FBXO45: variants seen among roughly 807,000 people sequenced by gnomAD.
FBXO45 encodes the protein F-box/SPRY domain-containing protein 1.
Under a neutral mutation model 25.5 loss-of-function variants are expected in FBXO45, and 3 were observed. The ratio of observed to expected loss-of-function variants is 0.12; its 90% CI spans 0.05 to 0.30. The LOEUF (loss-of-function observed/expected upper bound fraction) is 0.30. FBXO45 is among the 10% of genes least tolerant of loss of function. The pLI, the probability that FBXO45 is intolerant of heterozygous loss-of-function variation, is 1.00. For missense variants in FBXO45, 219 were observed against 365.0 expected (o/e 0.60, Z 3.26); for synonymous variants, 155 against 149.8 (o/e 1.03, Z -0.25).
At chr3:196,580,387 T>C (rs1029555822) in intron 2 of FBXO45, among the ~76,000 whole-genome samples, 1 of 152,068 alleles carries the variant, frequency 6.6e-6, no homozygotes, top group African/African-American at 2.4e-5. Context: ...AATTTTTGTA[T>C]TTTTAGTAGA....
In FBXO45 at chr3:196,588,265, C is replaced by T. The variant is rs1736172449; in HGVS notation, c.*3947C>T. The stretch of plus-strand genomic sequence containing the variant: ...TATTTTTAGTAGAGGGGGTTTATGC[C>T]ATGTTGGCCAGGCTGGTCTTGAACT... On this transcript the variant is annotated 3_prime_UTR_variant, in exon 3 of 3. Coordinates refer to ENST00000311630, the MANE Select transcript of FBXO45 (RefSeq NM_001105573.2). This position sits in a 1 kb window ranked among gnomAD's most constrained non-coding sequence, Gnocchi z 4.2. 1 of 152,110 alleles carries T rather than the reference C, an allele frequency of 6.6e-6. No individual in the cohort carries two copies. Among genetic ancestry groups the T allele is most frequent in the Admixed American group, 6.5e-5 (1 of 15,274 alleles). 9.4% of individuals were successfully genotyped at this position (152,110 alleles called of 1,614,324 possible). A position where few individuals can be genotyped will look rare whatever the true frequency, so the allele number is the denominator to read the frequency against.
Position 196,583,902 on chromosome 3 carries a change from C to T in FBXO45, c.676-231C>T, listed in dbSNP as rs77792219. On this transcript the variant is annotated intron_variant, in intron 2 of 2. Transcript: ENST00000311630. ...AACTCCTGGGCTCAAGCAATCCGCCCGCCTCAGCCTCCCAAAGTGCTGGGA... is the reference window on the plus strand; with the variant it reads ...AACTCCTGGGCTCAAGCAATCCGCCTGCCTCAGCCTCCCAAAGTGCTGGGA... Among the ~76,000 whole-genome samples, 80 of 152,290 alleles carry T rather than the reference C, an allele frequency of 5.3e-4. 1 individual carries two copies. In the East Asian group the frequency reaches 0.015, roughly 29 times the overall value.
At chr3:196,580,616 C>T (rs1438385944) in intron 2 of FBXO45, among the ~76,000 whole-genome samples, 1 of 152,148 alleles carries the variant, frequency 6.6e-6, no homozygotes, top group Non-Finnish European at 1.5e-5. Flanking sequence ...TGAGCCACTG[C>T]GCCCAGCTTC....
At chr3:196,580,099 T>A (rs562896243) in intron 2 of FBXO45, among the ~76,000 whole-genome samples, 116 of 151,994 alleles carry the variant, frequency 7.6e-4, no homozygotes, top group African/African-American at 2.7e-3. Flanking sequence ...TTCAAGTGAT[T>A]CTCCTGCCTC....
At chr3:196,574,060 A>G (rs1735873605) in intron 1 of FBXO45, among the ~76,000 whole-genome samples, 1 of 149,600 alleles carries the variant, frequency 6.7e-6, no homozygotes. Context: ...TCAGCCTCCC[A>G]AGTAGCTTGG....
At chr3:196,577,840 G>A (rs369976695) in intron 2 of FBXO45, 31 bp downstream of exon 2, 3 of 1,385,982 alleles carry the variant, frequency 2.2e-6, no homozygotes, top group Middle Eastern at 1.9e-4. Context: ...TCAAGTATGG[G>A]CCTTTGTCAA....
chr3:196,580,821 GAGTGGTGC>G (rs71621269), intron 2 of FBXO45, among the ~76,000 whole-genome samples: 28,609 of 151,488 alleles, frequency 0.19, 3,606 homozygotes, highest in East Asian at 0.61. Context: ...ACCTCGGCTG[GAGTGGTGC>G]AGTGGTGCAG....
chr3:196,582,576 AT>A (rs1453906174), intron 2 of FBXO45, among the ~76,000 whole-genome samples: 3 of 152,080 alleles, frequency 2.0e-5, no homozygotes, highest in Non-Finnish European at 4.4e-5. Flanking sequence ...AATTTTGTAG[AT>A]GCAACATCTT....
In FBXO45 at chr3:196,575,469, A is replaced by AAG. The variant is rs1326282037; in HGVS notation, c.319-1983_319-1982insGA. Among the ~76,000 whole-genome samples, 3 of 151,770 alleles carry AAG rather than the reference A, an allele frequency of 2.0e-5. No individual in the cohort carries two copies. In the East Asian group the frequency reaches 5.8e-4, roughly 29 times the overall value. On this transcript the variant is annotated intron_variant, in intron 1 of 2. Coordinates refer to ENST00000311630, the MANE Select transcript of FBXO45 (RefSeq NM_001105573.2). Reference sequence around the variant, plus strand: ...TGAGACTCTGTCTCAAAAAAAAAAAAAAAGAAAAGGAAGTTTAAGGAAGAG... The same window carrying AAG: ...TGAGACTCTGTCTCAAAAAAAAAAAAAGAAAGAAAAGGAAGTTTAAGGAAGAG...
At position 196,568,942 on chromosome 3, in the gene FBXO45, A is replaced by G; in HGVS notation, c.-43A>G. The G allele has an allele frequency of 1.0e-6, 1 of 986,310 alleles. No homozygotes were observed. The highest frequency in any genetic ancestry group is 1.2e-6 in the Non-Finnish European group (1 of 829,434). 61.1% of individuals were successfully genotyped at this position (986,310 alleles called of 1,614,324 possible). A position where few individuals can be genotyped will look rare whatever the true frequency, so the allele number is the denominator to read the frequency against. On this transcript the variant is annotated 5_prime_UTR_variant, in exon 1 of 3. Transcript: ENST00000311630. ...GGCCTTCCGAGCAGAGACGGCGGGA[A>G]GCGGCGGCGGCAGCGGCGGCCCTAG...
rs1246202694 is a variant in FBXO45 at position 196,585,394 on chromosome 3, CA to C, written c.*1083del. The C allele has an allele frequency of 6.6e-6, 1 of 151,996 alleles. No homozygotes were observed. Among genetic ancestry groups the C allele is most frequent in the Non-Finnish European group, 1.5e-5 (1 of 67,998 alleles). 9.4% of individuals were successfully genotyped at this position (151,996 alleles called of 1,614,324 possible). On this transcript the variant is annotated 3_prime_UTR_variant, in exon 3 of 3. Coordinates refer to ENST00000311630, the MANE Select transcript of FBXO45 (RefSeq NM_001105573.2). ...ACCTTATAAATGCTGTAGATATTAT[CA>C]AAAAAATTTTAATTTCATATTGTTT... is the stretch of plus-strand genomic sequence containing the variant.
At chr3:196,572,666 G>A (rs565188325) in intron 1 of FBXO45, among the ~76,000 whole-genome samples, 1 of 152,266 alleles carries the variant, frequency 6.6e-6, no homozygotes, top group South Asian at 2.1e-4. Context: ...TTTGAGGTGT[G>A]GGGATTGGTG....
intron 1 of FBXO45, among the ~76,000 whole-genome samples, chr3:196,575,512 T>C (rs115615006): frequency 0.015 from 2,320 of 151,252 alleles, 59 homozygotes; most frequent in African/African-American, 0.054. Flanking sequence ...ATAGTGTCAA[T>C]GTGAAATTGG....
intron 1 of FBXO45, among the ~76,000 whole-genome samples, chr3:196,575,790 C>T (rs998802881): frequency 1.3e-4 from 19 of 151,676 alleles, no homozygotes; most frequent in Non-Finnish European, 2.5e-4. Flanking sequence ...ATTCCTTCTG[C>T]CTCAGCCTCC....
Position 196,578,229 on chromosome 3 carries a change from G to A in FBXO45, c.675+420G>A, listed in dbSNP as rs527315063. On this transcript the variant is annotated intron_variant, in intron 2 of 2. Transcript: ENST00000311630. ...TTTTTGTATTTTTAGTAGAGACAGG[G>A]TTTCACCATCTTGGCCAGGCTGGTC... 4.6e-4 allele frequency among the ~76,000 whole-genome samples: 70 copies of A among 151,698 alleles called. 1 individual carries two copies. Among genetic ancestry groups the A allele is most frequent in the African/African-American group, 1.3e-3 (53 of 41,348 alleles).
chr3:196,569,273 C>T lies in FBXO45; in HGVS notation c.289C>T (p.Leu97=), dbSNP rs777644763. 5.1e-6 allele frequency: 8 copies of T among 1,576,452 alleles called. No individual in the cohort carries two copies. The highest frequency in any genetic ancestry group is 1.3e-5 in the African/African-American group (1 of 74,112). The change falls in exon 1 of 3, where the codon CTG becomes TTG. Residue 97 remains leucine, a synonymous_variant. Transcript: ENST00000311630. The surrounding 1 kb of genome is among the most constrained non-coding windows in gnomAD (Gnocchi z 4.1). ...AGAAGAGGCTCTGCGCACGGACATC[C>T]TGTGCAACCTGCCCAGCTACAAGGC... ...LAEEALRTDI[L]CNLPSYKAKI... is the part of the protein sequence containing the mutation.
chr3:196,580,175 T>A (rs971502792), intron 2 of FBXO45, among the ~76,000 whole-genome samples: 3 of 150,928 alleles, frequency 2.0e-5, no homozygotes, highest in African/African-American at 7.3e-5. Context: ...TTTAATTTTA[T>A]ATTTTTTTAG....
In FBXO45 at chr3:196,586,109, G is replaced by A. The variant is rs772656827; in HGVS notation, c.*1791G>A. ...ATGTTAAATGTATTAGAGAATGTAG[G>A]TGGTATAGAAATTGATTTTTCTTGG... On this transcript the variant is annotated 3_prime_UTR_variant, in exon 3 of 3. Transcript: ENST00000311630. The A allele has an allele frequency of 2.0e-5, 3 of 152,196 alleles. No individual in the cohort carries two copies. The highest frequency in any genetic ancestry group is 4.4e-5 in the Non-Finnish European group (3 of 68,034). 9.4% of individuals were successfully genotyped at this position (152,196 alleles called of 1,614,324 possible). A position where few individuals can be genotyped will look rare whatever the true frequency, so the allele number is the denominator to read the frequency against.
At position 196,584,042 on chromosome 3, in the gene FBXO45, CT is replaced by C; in HGVS notation, c.676-89del. ...TCTAGATAGCTTTCAGGATAATATT[CT>C]TAATATTTTCAACTTCTTGATTTGT... On this transcript the variant is annotated intron_variant, in intron 2 of 2. Coordinates refer to ENST00000311630, the MANE Select transcript of FBXO45 (RefSeq NM_001105573.2). This position sits in a 1 kb window ranked among gnomAD's most constrained non-coding sequence, Gnocchi z 4.3. 1 of 1,206,390 alleles carries C rather than the reference CT, an allele frequency of 8.3e-7. No individual in the cohort carries two copies. The highest frequency in any genetic ancestry group is 2.4e-5 in the East Asian group (1 of 42,026). 74.7% of individuals were successfully genotyped at this position (1,206,390 alleles called of 1,614,324 possible).
Sources: allele counts gnomAD v4.1 joint callset (sites outside exome capture counted in the v4.1 genomes callset), GRCh38; gene constraint gnomAD v4.1.1; non-coding constraint Gnocchi (gnomAD v3.1); transcripts MANE v1.5; gene names NCBI Gene and HGNC (gene_info 2026-07-23, HGNC 2026-07-21).